R3HCC1: variants seen among roughly 807,000 people sequenced by gnomAD.
R3HCC1 encodes the protein R3H domain and coiled-coil containing 1.
R3HCC1 carries 32 observed loss-of-function variants against 40.0 expected under a neutral mutation model. That is an observed-to-expected ratio of 0.80 (90% confidence interval 0.60 to 1.07). R3HCC1 has a LOEUF of 1.07. R3HCC1 is among the 50% of genes least tolerant of loss of function. R3HCC1 has a pLI of 0.00. For synonymous variants in R3HCC1, 237 were observed against 232.8 expected, an observed-to-expected ratio of 1.02 and a Z score of -0.17; for missense variants, 586 against 563.3, an observed-to-expected ratio of 1.04 and a Z score of -0.41.
rs1802834568 is a variant in R3HCC1, at chr8:23,290,220, G to T, written c.603G>T (p.Arg201Ser). Reference sequence around the variant, plus strand: ...AGGACCTAAAGGGCCCAGGACAAAGGTGTGAGAATGAGCCACTGCTGGACC... The same window carrying T: ...AGGACCTAAAGGGCCCAGGACAAAGTTGTGAGAATGAGCCACTGCTGGACC... The change falls in exon 4 of 8, where the codon AGG becomes AGT. Residue 201 changes from arginine to serine, a missense_variant. Transcript: ENST00000265806. 6.4e-7 allele frequency: 1 copy of T among 1,551,760 alleles called. No individual in the cohort carries two copies. The highest frequency in any genetic ancestry group is 8.7e-7 in the Non-Finnish European group (1 of 1,147,002).
Position 23,289,954 on chromosome 8 carries a change from C to G in R3HCC1, c.337C>G (p.Gln113Glu). ...CCACGGTCCTCGGCCCATCTCCAAC[C>G]AAGGAGCAGCTGCGGTTCCCCGAGG... The change falls in exon 4 of 8, where the codon CAA (glutamine) becomes GAA (glutamate). Residue 113 changes from glutamine to glutamate, a missense_variant. Gln to Glu is a conservative substitution (Grantham distance 29). Coordinates refer to ENST00000265806, the MANE Select transcript of R3HCC1 (RefSeq NM_001136108.3). The G allele has an allele frequency of 6.5e-7, 1 of 1,536,254 alleles. No homozygotes were observed. Among genetic ancestry groups the G allele is most frequent in the Non-Finnish European group, 8.7e-7 (1 of 1,146,940 alleles).
rs1234480246 is a variant in R3HCC1 at position 23,296,172 on chromosome 8, C to T, written c.*75C>T. ...CCCCAACACCATAAGCCTTCACAGA[C>T]GCCAGAGCAGCCCCGCACCACCCTC... is the stretch of plus-strand genomic sequence containing the variant. On this transcript the variant is annotated 3_prime_UTR_variant, in exon 8 of 8. Coordinates refer to ENST00000265806, the MANE Select transcript of R3HCC1 (RefSeq NM_001136108.3). The T allele has an allele frequency of 3.5e-5, 51 of 1,473,836 alleles. 1 individual carries two copies. The highest frequency in any genetic ancestry group is 2.0e-4 in the South Asian group (15 of 73,624). The allele number at this position is 1,473,836 out of a possible 1,614,324, so 91.3% of individuals were successfully genotyped here.
At chr8:23,289,225 G>T (rs1168581855) in intron 3 of R3HCC1, 72 bp downstream of exon 3, 3 of 1,499,388 alleles carry the variant, frequency 2.0e-6, no homozygotes, top group Non-Finnish European at 2.7e-6. Flanking sequence ...TCAGCCTTTG[G>T]AAGGGCAGGG....
rs375980566 is a variant in R3HCC1, at chr8:23,295,874, C to T, written c.1193-93C>T. 2.2e-4 allele frequency: 311 copies of T among 1,443,132 alleles called. 2 individuals are homozygous for T. In the East Asian group the frequency reaches 6.2e-3, roughly 29 times the overall value. 89.4% of individuals were successfully genotyped at this position (1,443,132 alleles called of 1,614,324 possible). A position where few individuals can be genotyped will look rare whatever the true frequency, so the allele number is the denominator to read the frequency against. Reference sequence around the variant, plus strand: ...GGCCCCACATGTGTCACATGAGAGGCTGGCTCTGATGGCTTGTACGGCTGC... The same window carrying T: ...GGCCCCACATGTGTCACATGAGAGGTTGGCTCTGATGGCTTGTACGGCTGC... On this transcript the variant is annotated intron_variant, in intron 7 of 7. Coordinates refer to ENST00000265806, the MANE Select transcript of R3HCC1 (RefSeq NM_001136108.3).
rs1409516827 is a variant in R3HCC1, at chr8:23,290,246, C to T, written c.629C>T (p.Pro210Leu). The T allele has an allele frequency of 6.4e-6, 10 of 1,551,572 alleles. No homozygotes were observed. Among genetic ancestry groups the T allele is most frequent in the South Asian group, 2.4e-5 (2 of 84,062 alleles). Residue 210 changes from proline to leucine, a missense_variant, in exon 4 of 8, where the codon CCT (proline) becomes CTT (leucine). By Grantham distance (98) the Pro-to-Leu change is moderately conservative. Transcript: ENST00000265806. ...TGTGAGAATGAGCCACTGCTGGACC[C>T]TGTTGGCCCTGAGCCTCTGGGGCCT...
intron 6 of R3HCC1, 118 bp from the exon 7 acceptor site, chr8:23,294,651 C>T: frequency 2.6e-6 from 2 of 765,048 alleles, no homozygotes; most frequent in Non-Finnish European, 4.4e-6. Context: ...GGTGTCGGAG[C>T]AGCCCTGCCC....
intron 7 of R3HCC1, chr8:23,295,429 T>C: frequency 4.4e-6 from 2 of 456,684 alleles, no homozygotes; most frequent in South Asian, 3.1e-5. Flanking sequence ...ATAACCGTTA[T>C]AGCGCCTCCT....
At chr8:23,293,224 GGGGGTGTGGCTGCGGGATTCGAAGA>G in intron 5 of R3HCC1, 54 bp from the exon 6 acceptor site, 1 of 1,201,932 alleles carries the variant, frequency 8.3e-7, no homozygotes, top group South Asian at 1.3e-5. Flanking sequence ...CTGGAGGCGA[GGGGGTGTGGCTGCGGGATTCGAAGA>G]GGAGTTTGAC....
At chr8:23,290,802 C>G (rs530838309) in intron 4 of R3HCC1, among the ~76,000 whole-genome samples, 1 of 152,168 alleles carries the variant, frequency 6.6e-6, no homozygotes, top group African/African-American at 2.4e-5. Flanking sequence ...TCTTGTGTTA[C>G]GGATGCCAGT....
rs141790504 is a variant in R3HCC1 at position 23,291,289 on chromosome 8, C to T, written c.853-72C>T. The stretch of plus-strand genomic sequence containing the variant: ...GGGCCCCTTCTCCCTGCAGAGCTCT[C>T]AGCGCGTGGGCTAGTGGTTTGGGAG... On this transcript the variant is annotated intron_variant, in intron 4 of 7. Coordinates refer to ENST00000265806, the MANE Select transcript of R3HCC1 (RefSeq NM_001136108.3). 2.7e-6 allele frequency: 4 copies of T among 1,494,120 alleles called. No individual in the cohort carries two copies. The South Asian group carries it at 3.9e-5, about 15-fold the overall frequency. The allele number at this position is 1,494,120 out of a possible 1,614,324, so 92.6% of individuals were successfully genotyped here.
intron 3 of R3HCC1, 71 bp from the exon 4 acceptor site, chr8:23,289,795 A>G (rs975761390): frequency 2.1e-4 from 298 of 1,437,572 alleles, no homozygotes; most frequent in Non-Finnish European, 2.6e-4. Flanking sequence ...CTGAATGACA[A>G]GTGGCTCTAG....
In R3HCC1 at chr8:23,289,060, T is replaced by TC. The variant is rs1428338318; in HGVS notation, c.157dup (p.His53ProfsTer2). ...CTCTCCAGTCGCCTCCGGTACCTGA[T>TC]CCATAGAACAGCAGAGAATTTTGAT... On this transcript the variant is annotated frameshift_variant, in exon 3 of 8. Coordinates refer to ENST00000265806, the MANE Select transcript of R3HCC1 (RefSeq NM_001136108.3). LOFTEE classifies it high-confidence loss of function. 4 of 1,536,610 alleles carry TC rather than the reference T, an allele frequency of 2.6e-6. No homozygotes were observed. Among genetic ancestry groups the TC allele is most frequent in the Non-Finnish European group, 3.5e-6 (4 of 1,147,006 alleles).
chr8:23,293,279 G>A, intron 5 of R3HCC1, 24 bp from the exon 6 acceptor site: 1 of 1,544,206 alleles, frequency 6.5e-7, no homozygotes, highest in Non-Finnish European at 8.8e-7. Context: ...TCCTGAATGT[G>A]CTGTCTCCTC....
In R3HCC1 at chr8:23,296,033, G is replaced by A. The variant is rs556468227; in HGVS notation, c.1259G>A (p.Arg420Gln). Residue 420 changes from arginine to glutamine, a missense_variant, in exon 8 of 8, where the codon CGG (arginine) becomes CAG (glutamine). By Grantham distance (43) the Arg-to-Gln change is conservative. Coordinates refer to ENST00000265806, the MANE Select transcript of R3HCC1 (RefSeq NM_001136108.3). ...ACTGTGGCCCGGCGGCTGGTGGCCCGGGCCCTGGGACTCCAACACAAAAAG... is the reference window on the plus strand; with the variant it reads ...ACTGTGGCCCGGCGGCTGGTGGCCCAGGCCCTGGGACTCCAACACAAAAAG... 1.7e-5 allele frequency: 26 copies of A among 1,550,742 alleles called. No individual in the cohort carries two copies. The highest frequency in any genetic ancestry group is 1.2e-4 in the African/African-American group (9 of 73,158).
chr8:23,291,408 T>A lies in R3HCC1; in HGVS notation c.900T>A (p.His300Gln). Residue 300 changes from histidine (H) to glutamine (Q), a missense_variant, in exon 5 of 8, where the codon CAT becomes CAA. His to Gln is a conservative substitution (Grantham distance 24, BLOSUM62 0). Coordinates refer to ENST00000265806, the MANE Select transcript of R3HCC1 (RefSeq NM_001136108.3). ...AGGAGATTCAGATAGAGAAGATCCA[T>A]TTGGACACATCCTCCTTCGTGGAGG... is the stretch of plus-strand genomic sequence containing the variant. The A allele has an allele frequency of 6.4e-7, 1 of 1,551,724 alleles. No homozygotes were observed. Among genetic ancestry groups the A allele is most frequent in the Non-Finnish European group, 8.7e-7 (1 of 1,146,904 alleles).
At position 23,296,005 on chromosome 8, in the gene R3HCC1, G is replaced by A; in HGVS notation, c.1231G>A (p.Ala411Thr). 1 of 1,550,918 alleles carries A rather than the reference G, an allele frequency of 6.4e-7. No homozygotes were observed. The highest frequency in any genetic ancestry group is 1.4e-5 in the African/African-American group (1 of 73,184). ...GGTGAAGGAGAGGCCACAGACAAAT[G>A]CGACTGTGGCCCGGCGGCTGGTGGC... Residue 411 changes from alanine (A) to threonine (T), a missense_variant, in exon 8 of 8, where the codon GCG becomes ACG. Ala to Thr is a moderately conservative substitution (Grantham distance 58). Coordinates refer to ENST00000265806, the MANE Select transcript of R3HCC1 (RefSeq NM_001136108.3).
At chr8:23,289,457 C>T (rs1256517468) in intron 3 of R3HCC1, among the ~76,000 whole-genome samples, 1 of 152,186 alleles carries the variant, frequency 6.6e-6, no homozygotes, top group African/African-American at 2.4e-5. Context: ...GAGCTTGTGT[C>T]CCACAGAGAC....
Position 23,294,797 on chromosome 8 carries a change from G to T in R3HCC1, c.1125G>T (p.Ser375=), listed in dbSNP as rs117222031. The change falls in exon 7 of 8, where the codon TCG becomes TCT. Residue 375 remains serine (S), a synonymous_variant. Coordinates refer to ENST00000265806, the MANE Select transcript of R3HCC1 (RefSeq NM_001136108.3). ...CGGAAGCCCTGACCCGGGAGTTCTC[G>T]GTGCTCAAGATCCGGCCCCTCACAC... 1.9e-6 allele frequency: 3 copies of T among 1,551,360 alleles called. No homozygotes were observed. The highest frequency in any genetic ancestry group is 2.6e-6 in the Non-Finnish European group (3 of 1,146,940).
chr8:23,291,287 C>T, intron 4 of R3HCC1, 74 bp from the exon 5 acceptor site: 1 of 1,491,886 alleles, frequency 6.7e-7, no homozygotes, highest in South Asian at 1.3e-5. Flanking sequence ...CTGCAGAGCT[C>T]TCAGCGCGTG....
Sources: gnomAD v4.1 joint callset for allele counts (sites outside exome capture counted in the v4.1 genomes callset) on GRCh38, gnomAD v4.1.1 for gene constraint, MANE v1.5 for transcripts, NCBI Gene and HGNC (gene_info 2026-07-23, HGNC 2026-07-21) for gene names.